Variants in SIPA1L2 observed in about 807,000 individuals in gnomAD.
SIPA1L2 encodes signal-induced proliferation-associated 1-like protein 2.
Under a neutral mutation model 163.9 loss-of-function variants are expected in SIPA1L2, and 56 were observed. The ratio of observed to expected loss-of-function variants is 0.34; its 90% CI spans 0.28 to 0.43. The LOEUF is 0.43. Ranked by LOEUF, SIPA1L2 falls within the 20% of genes least tolerant of loss-of-function variation. The probability of loss-of-function intolerance (pLI) is 1.00; values close to 1 mark genes in which losing one functional copy is unlikely to be tolerated. For synonymous variants in SIPA1L2, 877 were observed against 865.7 expected, an observed-to-expected ratio of 1.01 and a Z score of -0.23; for missense variants, 1,974 against 2,193.5, an observed-to-expected ratio of 0.90 and a Z score of 2.00.
chr1:232,500,353 A>G (rs1476431664), intron 3 of SIPA1L2, among the ~76,000 whole-genome samples: 1 of 152,244 alleles, frequency 6.6e-6, no homozygotes, highest in African/African-American at 2.4e-5. Context: ...TAGCCGCCAT[A>G]CATAGAGATT....
chr1:232,539,955 C>T (rs1483568754), intron 2 of SIPA1L2, among the ~76,000 whole-genome samples: 2 of 152,140 alleles, frequency 1.3e-5, no homozygotes, highest in Non-Finnish European at 2.9e-5. Context: ...GCATGGTGCC[C>T]AATGCGAATG....
chr1:232,412,277 G>T (rs1247951834), intron 19 of SIPA1L2, among the ~76,000 whole-genome samples: 1 of 152,134 alleles, frequency 6.6e-6, no homozygotes, highest in Admixed American at 6.6e-5. Flanking sequence ...TACACTATTG[G>T]ATTTTATAGG....
At chr1:232,476,961 T>C (rs1665077974) in intron 7 of SIPA1L2, among the ~76,000 whole-genome samples, 1 of 152,188 alleles carries the variant, frequency 6.6e-6, no homozygotes, top group African/African-American at 2.4e-5. Flanking sequence ...ATTGCACTCA[T>C]GAACCCAGCT....
chr1:232,572,738 C>CATAT (rs1219493276), intron 2 of SIPA1L2, among the ~76,000 whole-genome samples: 47 of 39,620 alleles, frequency 1.2e-3, no homozygotes, highest in Non-Finnish European at 1.6e-3. Context: ...TACATACATA[C>CATAT]ATATATATAT....
chr1:232,402,574 C>A, intron 21 of SIPA1L2, 101 bp from the exon 22 acceptor site: 2 of 882,582 alleles, frequency 2.3e-6, no homozygotes, highest in African/African-American at 1.7e-5. Flanking sequence ...TGCTTAGAGC[C>A]CAGCAAGCAG....
chr1:232,454,909 G>C (rs991368405), intron 10 of SIPA1L2, among the ~76,000 whole-genome samples: 6 of 152,180 alleles, frequency 3.9e-5, no homozygotes, highest in Non-Finnish European at 8.8e-5. Context: ...ATTTTAGAAA[G>C]CCAGAAAGAC....
chr1:232,402,966 T>C (rs1159166664), intron 21 of SIPA1L2, among the ~76,000 whole-genome samples: 2 of 152,190 alleles, frequency 1.3e-5, no homozygotes, highest in African/African-American at 4.8e-5. Context: ...GTCATGAATA[T>C]AGGGGAAAGA....
At chr1:232,627,431 T>C (rs1663135699) in intron 1 of SIPA1L2, among the ~76,000 whole-genome samples, 1 of 152,170 alleles carries the variant, frequency 6.6e-6, no homozygotes, top group Non-Finnish European at 1.5e-5. Flanking sequence ...GCTTCTCCTT[T>C]GCCTCAGGTA....
chr1:232,545,682 A>G (rs1252049832), intron 2 of SIPA1L2, among the ~76,000 whole-genome samples: 2 of 152,220 alleles, frequency 1.3e-5, no homozygotes, highest in Non-Finnish European at 2.9e-5. Context: ...TTTCTCAACC[A>G]TTATTAACCG....
intron 16 of SIPA1L2, 43 bp downstream of exon 16, chr1:232,432,204 C>T (rs1572888769): frequency 1.3e-6 from 2 of 1,529,960 alleles, no homozygotes; most frequent in Admixed American, 3.5e-5. Context: ...TCAATCCCTA[C>T]AGTGAAAAAT....
chr1:232,507,604 G>A (rs1558231059), intron 3 of SIPA1L2, among the ~76,000 whole-genome samples: 1 of 152,178 alleles, frequency 6.6e-6, no homozygotes, highest in Non-Finnish European at 1.5e-5. Flanking sequence ...TAATGTATTT[G>A]GTAAGTTGTT....
chr1:232,534,219 T>A (rs551102086), intron 2 of SIPA1L2, among the ~76,000 whole-genome samples: 1 of 152,038 alleles, frequency 6.6e-6, no homozygotes, highest in South Asian at 2.1e-4. Flanking sequence ...AGAAGAGAGA[T>A]CCCAGAAGTA....
intron 16 of SIPA1L2, among the ~76,000 whole-genome samples, chr1:232,431,560 G>A (rs1478392526): frequency 1.3e-5 from 2 of 152,186 alleles, no homozygotes. Context: ...AGGTACAGCA[G>A]AGCACACAGA....
At chr1:232,494,119 T>C (rs1172061084) in intron 3 of SIPA1L2, among the ~76,000 whole-genome samples, 1 of 152,190 alleles carries the variant, frequency 6.6e-6, no homozygotes, top group Non-Finnish European at 1.5e-5. Context: ...ATCTTGGTGA[T>C]CAGTGGTGTA....
At chr1:232,475,211 G>A (rs1286484508) in intron 7 of SIPA1L2, among the ~76,000 whole-genome samples, 2 of 152,070 alleles carry the variant, frequency 1.3e-5, no homozygotes, top group African/African-American at 4.8e-5. Context: ...CTACCTCTCC[G>A]ACCTCATCAC....
rs532833172 is a variant in SIPA1L2, at chr1:232,451,913, G to C, written c.3096-6127C>G. Among the ~76,000 whole-genome samples the C allele has an allele frequency of 6.5e-5, 9 of 138,324 alleles. No individual in the cohort carries two copies. The East Asian group carries it at 2.7e-3, about 41-fold the overall frequency. The allele number at this position is 138,324 out of a possible 152,430, so 90.7% of individuals were successfully genotyped here. On this transcript the variant is annotated intron_variant, in intron 10 of 22. Coordinates refer to ENST00000674635, the MANE Select transcript of SIPA1L2 (RefSeq NM_020808.5). Reference sequence around the variant, plus strand: ...TGCAATTTTTCACATTTCTTGTCTAGCCAATAACTTTTCTGAGTCTATTCT... The same window carrying C: ...TGCAATTTTTCACATTTCTTGTCTACCCAATAACTTTTCTGAGTCTATTCT...
At chr1:232,583,501 A>C (rs1230655852) in intron 1 of SIPA1L2, among the ~76,000 whole-genome samples, 2 of 152,222 alleles carry the variant, frequency 1.3e-5, no homozygotes. Flanking sequence ...AATGGAGCAC[A>C]GTGAAAACCA....
At chr1:232,408,702 T>C (rs1207537305) in intron 19 of SIPA1L2, among the ~76,000 whole-genome samples, 2 of 152,198 alleles carry the variant, frequency 1.3e-5, no homozygotes, top group Non-Finnish European at 2.9e-5. Flanking sequence ...TCCTTGACCA[T>C]TTGTTTACTG....
chr1:232,619,825 C>A (rs1662703597), intron 1 of SIPA1L2, among the ~76,000 whole-genome samples: 2 of 152,204 alleles, frequency 1.3e-5, no homozygotes, highest in South Asian at 4.1e-4. Context: ...CATGGAAGAA[C>A]CCCTTATCCC....
Sources: allele counts gnomAD v4.1 joint callset (sites outside exome capture counted in the v4.1 genomes callset), GRCh38; gene constraint gnomAD v4.1.1; transcripts MANE v1.5; gene names NCBI Gene and HGNC (gene_info 2026-07-23, HGNC 2026-07-21).